Variants in CDH10 observed in about 807,000 individuals in gnomAD.
The protein encoded by CDH10 is cadherin 10.
CDH10 carries 30 observed loss-of-function variants against 73.1 expected under a neutral mutation model. The observed-to-expected ratio is 0.41, with a 90% confidence interval of 0.31 to 0.56. The LOEUF is 0.56. Among genes scored for constraint, CDH10 ranks in the 20% least tolerant of loss-of-function variants. The pLI, the probability that CDH10 is intolerant of heterozygous loss-of-function variation, is 0.27. For synonymous variants in CDH10, 345 were observed against 348.2 expected, an observed-to-expected ratio of 0.99 and a Z score of 0.10; for missense variants, 815 against 973.7, an observed-to-expected ratio of 0.84 and a Z score of 2.17.
chr5:24,574,493 A>C (rs1745522927), intron 2 of CDH10, among the ~76,000 whole-genome samples: 1 of 152,078 alleles, frequency 6.6e-6, no homozygotes, highest in Non-Finnish European at 1.5e-5. Context: ...GTAAAATTCG[A>C]ATCAAACACA....
chr5:24,489,607 TC>T (rs1432384664), intron 11 of CDH10, among the ~76,000 whole-genome samples: 1 of 152,100 alleles, frequency 6.6e-6, no homozygotes, highest in Non-Finnish European at 1.5e-5. Context: ...TACAATTCGC[TC>T]CAAGTCCAAG....
At chr5:24,529,840 A>G (rs577425387) in intron 5 of CDH10, among the ~76,000 whole-genome samples, 2 of 151,942 alleles carry the variant, frequency 1.3e-5, no homozygotes, top group East Asian at 3.9e-4. Flanking sequence ...ATTGTGTGCA[A>G]TAATGTCTGT....
At chr5:24,523,676 G>A (rs1743422137) in intron 5 of CDH10, among the ~76,000 whole-genome samples, 1 of 152,024 alleles carries the variant, frequency 6.6e-6, no homozygotes, top group African/African-American at 2.4e-5. Flanking sequence ...CTTTAAACTT[G>A]CCATTATAAT....
intron 2 of CDH10, among the ~76,000 whole-genome samples, chr5:24,582,292 C>A (rs138006537): frequency 6.6e-6 from 1 of 152,012 alleles, no homozygotes; most frequent in Non-Finnish European, 1.5e-5. Context: ...TAGAAAGATA[C>A]GCTACACAAC....
intron 9 of CDH10, among the ~76,000 whole-genome samples, chr5:24,493,608 T>C (rs981866145): frequency 1.3e-5 from 2 of 151,940 alleles, no homozygotes; most frequent in Non-Finnish European, 2.9e-5. Flanking sequence ...GATTAACTAA[T>C]ATACAAATAT....
intron 2 of CDH10, among the ~76,000 whole-genome samples, chr5:24,589,793 T>A (rs1746139929): frequency 1.3e-5 from 2 of 152,182 alleles, no homozygotes; most frequent in Admixed American, 1.3e-4. Flanking sequence ...AGAAACTACA[T>A]GTAAAAAGAT....
intron 5 of CDH10, among the ~76,000 whole-genome samples, chr5:24,513,008 CT>C (rs983962591): frequency 6.1e-5 from 9 of 146,508 alleles, no homozygotes; most frequent in African/African-American, 2.3e-4. Context: ...CTTTTCTTTT[CT>C]TTTCTTTCTT....
intron 2 of CDH10, among the ~76,000 whole-genome samples, chr5:24,559,226 C>T (rs909088822): frequency 6.6e-6 from 1 of 151,838 alleles, no homozygotes; most frequent in Non-Finnish European, 1.5e-5. Flanking sequence ...CATTTTACTC[C>T]TTGTGCAAAT....
intron 5 of CDH10, among the ~76,000 whole-genome samples, chr5:24,532,439 T>G (rs1398290520): frequency 6.6e-6 from 1 of 152,042 alleles, no homozygotes; most frequent in East Asian, 1.9e-4. Context: ...GATGGTCAGT[T>G]TAACTGACCC....
chr5:24,583,358 G>A (rs889324576), intron 2 of CDH10, among the ~76,000 whole-genome samples: 3 of 151,896 alleles, frequency 2.0e-5, no homozygotes, highest in African/African-American at 7.2e-5. Flanking sequence ...AAGAAAACTA[G>A]GGATATCTGA....
intron 5 of CDH10, among the ~76,000 whole-genome samples, chr5:24,524,158 A>G (rs1194216120): frequency 6.6e-6 from 1 of 152,138 alleles, no homozygotes; most frequent in East Asian, 1.9e-4. Context: ...AATTATGTTT[A>G]TGCTCAGAAA....
At chr5:24,526,259 A>C (rs76652932) in intron 5 of CDH10, among the ~76,000 whole-genome samples, 1 of 151,992 alleles carries the variant, frequency 6.6e-6, no homozygotes, top group African/African-American at 2.4e-5. Flanking sequence ...GTCTAAGGCA[A>C]CTTTCCACTG....
At chr5:24,521,775 A>AT (rs1488511883) in intron 5 of CDH10, among the ~76,000 whole-genome samples, 1 of 152,196 alleles carries the variant, frequency 6.6e-6, no homozygotes, top group African/African-American at 2.4e-5. Flanking sequence ...GGTTAAAAAG[A>AT]TTAACATCAT....
At chr5:24,556,969 TC>T (rs34578783) in intron 2 of CDH10, among the ~76,000 whole-genome samples, 38,464 of 151,582 alleles carry the variant, frequency 0.25, 5,325 homozygotes, top group Admixed American at 0.29. Context: ...GAAGTTTTTT[TC>T]ATATTTTTCT....
At chr5:24,579,595 G>A (rs909932812) in intron 2 of CDH10, among the ~76,000 whole-genome samples, 1 of 152,058 alleles carries the variant, frequency 6.6e-6, no homozygotes, top group Non-Finnish European at 1.5e-5. Flanking sequence ...TAACCTCATG[G>A]AAACCAAAGT....
intron 9 of CDH10, among the ~76,000 whole-genome samples, chr5:24,494,386 A>G (rs954525113): frequency 1.7e-4 from 26 of 151,958 alleles, no homozygotes; most frequent in Non-Finnish European, 2.5e-4. Context: ...ATAATGATTT[A>G]TAAGTATATA....
At chr5:24,571,829 G>C (rs1199785702) in intron 2 of CDH10, among the ~76,000 whole-genome samples, 1 of 151,908 alleles carries the variant, frequency 6.6e-6, no homozygotes, top group Non-Finnish European at 1.5e-5. Flanking sequence ...CACCATACCC[G>C]ATTTAAAACT....
At chr5:24,598,930 G>A (rs757624386) in intron 1 of CDH10, among the ~76,000 whole-genome samples, 2 of 152,046 alleles carry the variant, frequency 1.3e-5, no homozygotes, top group Non-Finnish European at 2.9e-5. Context: ...GGGGTCAGTG[G>A]GTAGATAAAA....
intron 1 of CDH10, among the ~76,000 whole-genome samples, chr5:24,607,288 C>G (rs930379211): frequency 6.6e-6 from 1 of 152,130 alleles, no homozygotes; most frequent in Non-Finnish European, 1.5e-5. Context: ...TACATTTTCC[C>G]TTGGAGACAG....
Sources: gnomAD v4.1 joint callset for allele counts (sites outside exome capture counted in the v4.1 genomes callset) on GRCh38, gnomAD v4.1.1 for gene constraint, MANE v1.5 for transcripts, NCBI Gene and HGNC (gene_info 2026-07-23, HGNC 2026-07-21) for gene names.